ADGRG6: variants seen among roughly 807,000 people sequenced by gnomAD.
The protein encoded by ADGRG6 is G-protein coupled receptor 126.
A neutral mutation model predicts 142.4 loss-of-function variants in ADGRG6; 84 were observed. The observed-to-expected ratio is 0.59, with a 90% CI of 0.49 to 0.71. The LOEUF (loss-of-function observed/expected upper bound fraction) is 0.71, where lower values mean the gene tolerates loss of function less well. Ranked by LOEUF, ADGRG6 falls within the 30% of genes least tolerant of loss-of-function variation. The probability of loss-of-function intolerance (pLI) is 0.00; values close to 1 mark genes in which losing one functional copy is unlikely to be tolerated. For missense variants in ADGRG6, 1,367 were observed against 1,466.6 expected (o/e 0.93, Z 1.11); for synonymous variants, 521 against 520.5 (o/e 1.00, Z -0.01).
chr6:142,426,113 A>G (rs1339905840), intron 22 of ADGRG6, among the ~76,000 whole-genome samples: 1 of 152,108 alleles, frequency 6.6e-6, no homozygotes, highest in African/African-American at 2.4e-5. Flanking sequence ...TCACATTTCA[A>G]AACCAATTAT....
At position 142,420,480 on chromosome 6, in the gene ADGRG6, G is replaced by A. The variant is rs116924581; in HGVS notation, c.3319+376G>A. On this transcript the variant is annotated intron_variant, in intron 22 of 24. Transcript: ENST00000367609. The stretch of plus-strand genomic sequence containing the variant: ...TTCTTCACAGTTTTGCTGAATGTTG[G>A]TCCTCTTCATACATCCTGTCCCCTG... Among the ~76,000 whole-genome samples, 905 of 152,212 alleles carry A rather than the reference G, an allele frequency of 5.9e-3. 6 individuals are homozygous for A. The highest frequency in any genetic ancestry group is 0.011 in the Non-Finnish European group (718 of 67,998).
In ADGRG6 at chr6:142,388,613, T is replaced by G. The variant is rs1040782266; in HGVS notation, c.1223-1645T>G. 9.9e-5 allele frequency among the ~76,000 whole-genome samples: 15 copies of G among 152,108 alleles called. 1 individual carries two copies. The highest frequency in any genetic ancestry group is 9.8e-4 in the Admixed American group (15 of 15,266). ...CTTAAACACGTTCAGAACACTTACC[T>G]TAGCCTACAGCTGGGCAAAATCATC... is the stretch of plus-strand genomic sequence containing the variant. On this transcript the variant is annotated intron_variant, in intron 6 of 24. Coordinates refer to ENST00000367609, the MANE Select transcript of ADGRG6 (RefSeq NM_198569.3).
At chr6:142,440,964 G>C (rs191095851) in intron 24 of ADGRG6, 4 of 1,452,556 alleles carry the variant, frequency 2.8e-6, no homozygotes, top group Admixed American at 2.5e-5. Flanking sequence ...GTAAACTTTC[G>C]TTACTTTTTT....
chr6:142,407,485 C>T (rs1393866981), intron 15 of ADGRG6, among the ~76,000 whole-genome samples: 1 of 152,000 alleles, frequency 6.6e-6, no homozygotes, highest in African/African-American at 2.4e-5. Flanking sequence ...GGAGATTTGA[C>T]AAGAAATACA....
At chr6:142,374,914 T>C (rs1781429077) in intron 4 of ADGRG6, among the ~76,000 whole-genome samples, 1 of 152,230 alleles carries the variant, frequency 6.6e-6, no homozygotes, top group South Asian at 2.1e-4. Context: ...ATTTTATTTG[T>C]AGACAGAACA....
intron 2 of ADGRG6, among the ~76,000 whole-genome samples, chr6:142,312,875 G>A (rs1582959138): frequency 6.6e-6 from 1 of 151,986 alleles, no homozygotes; most frequent in African/African-American, 2.4e-5. Context: ...AAAACAATGT[G>A]GTCAAACTGC....
chr6:142,440,836 G>A, intron 24 of ADGRG6: 1 of 764,960 alleles, frequency 1.3e-6, no homozygotes, highest in South Asian at 1.7e-5. Context: ...AAACGTCACT[G>A]CATATCATCA....
At chr6:142,345,832 T>C (rs903475668) in intron 2 of ADGRG6, among the ~76,000 whole-genome samples, 1 of 152,218 alleles carries the variant, frequency 6.6e-6, no homozygotes, top group African/African-American at 2.4e-5. Flanking sequence ...AGCTAGACTT[T>C]AATTTGTGGC....
intron 4 of ADGRG6, among the ~76,000 whole-genome samples, chr6:142,375,132 T>C (rs1781442731): frequency 6.6e-6 from 1 of 152,190 alleles, no homozygotes; most frequent in African/African-American, 2.4e-5. Context: ...GTTCAACCTT[T>C]TTAGGTTCCA....
chr6:142,433,877 G>A (rs762014597), intron 22 of ADGRG6, among the ~76,000 whole-genome samples: 13 of 152,080 alleles, frequency 8.5e-5, no homozygotes, highest in Admixed American at 4.6e-4. Flanking sequence ...GCAACATAGT[G>A]AGACCCCCAC....
chr6:142,331,387 G>GTGTGAGGCTTTC (rs1779056701), intron 2 of ADGRG6, among the ~76,000 whole-genome samples: 1 of 152,050 alleles, frequency 6.6e-6, no homozygotes, highest in East Asian at 1.9e-4. Flanking sequence ...CATGGGCTTT[G>GTGTGAGGCTTTC]TGTGAGGCTT....
chr6:142,414,880 C>G, intron 18 of ADGRG6, 89 bp from the exon 19 acceptor site: 1 of 1,081,558 alleles, frequency 9.2e-7, no homozygotes, highest in Non-Finnish European at 1.3e-6. Flanking sequence ...GTAAGCTGCT[C>G]TAATGTTAAC....
rs372427661 is a variant in ADGRG6, at chr6:142,405,703, G to A, written c.2143G>A (p.Gly715Arg). The change falls in exon 15 of 25, where the codon GGA becomes AGA. Residue 715 changes from glycine to arginine, a missense_variant. Gly to Arg is a moderately radical substitution (Grantham distance 125). This residue lies in a region of ADGRG6 where 286 missense variants were observed against 371.4 expected (regional missense o/e 0.77). Coordinates refer to ENST00000367609, the MANE Select transcript of ADGRG6 (RefSeq NM_198569.3). ...TGTGTGACAGATGGATTTTGAGAGT[G>A]GACAAGTGGATCCACTGGCATCTGT... ...ESYFQMDFES[G>R]QVDPLASVIL... The A allele has an allele frequency of 2.5e-5, 40 of 1,608,366 alleles. No homozygotes were observed. In the African/African-American group the frequency reaches 5.1e-4, roughly 20 times the overall value.
At chr6:142,334,942 A>C (rs565086038) in intron 2 of ADGRG6, among the ~76,000 whole-genome samples, 1 of 152,342 alleles carries the variant, frequency 6.6e-6, no homozygotes, top group South Asian at 2.1e-4. Context: ...ATATTGTTTA[A>C]AACCTGTGGG....
chr6:142,377,502 G>A (rs928012565), intron 4 of ADGRG6, among the ~76,000 whole-genome samples: 2 of 152,232 alleles, frequency 1.3e-5, no homozygotes, highest in African/African-American at 4.8e-5. Flanking sequence ...CTTGTGGGGC[G>A]GGTGGGAGAT....
In ADGRG6 at chr6:142,411,358, G is replaced by C. The variant is rs1283974813; in HGVS notation, c.2488G>C (p.Ala830Pro). 6.2e-7 allele frequency: 1 copy of C among 1,609,614 alleles called. No individual in the cohort carries two copies. Among genetic ancestry groups the C allele is most frequent in the African/African-American group, 1.3e-5 (1 of 74,832 alleles). ...SGCVAHRDSD[A>P]SETVCLCNHF... ...ATGTGTTGCACACAGAGATTCAGAT[G>C]CAAGTGAGACAGTCTGCCTGTGTAA... is the stretch of plus-strand genomic sequence containing the variant. Residue 830 changes from alanine (A) to proline (P), a missense_variant, in exon 18 of 25, where the codon GCA (alanine) becomes CCA (proline). Ala to Pro is a conservative substitution (Grantham distance 27, BLOSUM62 -1). Around this residue, in one of 3 missense-constraint regions of ADGRG6, gnomAD observed 286 missense variants for 371.4 expected, o/e 0.77. Coordinates refer to ENST00000367609, the MANE Select transcript of ADGRG6 (RefSeq NM_198569.3).
intron 22 of ADGRG6, among the ~76,000 whole-genome samples, chr6:142,436,380 C>T (rs986875991): frequency 2.0e-5 from 3 of 151,968 alleles, no homozygotes; most frequent in East Asian, 3.9e-4. Flanking sequence ...TGAGTGCTGC[C>T]GAGACGTCTA....
At chr6:142,333,439 A>G (rs1478565183) in intron 2 of ADGRG6, among the ~76,000 whole-genome samples, 1 of 152,158 alleles carries the variant, frequency 6.6e-6, no homozygotes, top group Non-Finnish European at 1.5e-5. Context: ...TTTCTTATTG[A>G]TATTAATGTG....
intron 2 of ADGRG6, among the ~76,000 whole-genome samples, chr6:142,318,928 A>C (rs1025996479): frequency 2.6e-5 from 4 of 152,100 alleles, no homozygotes; most frequent in East Asian, 3.9e-4. Context: ...CCAGCAGGGG[A>C]GATAGATATG....
Sources: gnomAD v4.1 joint callset for allele counts (sites outside exome capture counted in the v4.1 genomes callset) on GRCh38, gnomAD v4.1.1 for gene constraint, gnomAD v4.1.1 regional missense constraint, MANE v1.5 for transcripts, NCBI Gene and HGNC (gene_info 2026-07-23, HGNC 2026-07-21) for gene names.